Variants in ANK3 observed in about 807,000 individuals in gnomAD.
ANK3 encodes ankyrin 3.
ANK3 carries 57 observed loss-of-function variants against 370.9 expected under a neutral mutation model. The ratio of observed to expected loss-of-function variants is 0.15; its 90% CI spans 0.12 to 0.19. ANK3 has a LOEUF of 0.19. Among genes scored for constraint, ANK3 ranks in the 10% least tolerant of loss-of-function variants. ANK3 has a pLI of 1.00. For synonymous variants in ANK3, 1,929 were observed against 1,946.3 expected, an observed-to-expected ratio of 0.99 and a Z score of 0.23; for missense variants, 4,439 against 5,302.1, an observed-to-expected ratio of 0.84 and a Z score of 5.06.
chr10:60,210,084 A>C (rs1304818829), intron 9 of ANK3, among the ~76,000 whole-genome samples: 1 of 152,192 alleles, frequency 6.6e-6, no homozygotes, highest in African/African-American at 2.4e-5. Flanking sequence ...TAAGGCTAGG[A>C]ATGTACTCAT....
intron 16 of ANK3, among the ~76,000 whole-genome samples, chr10:60,190,078 A>G (rs2132379563): frequency 6.6e-6 from 1 of 152,320 alleles, no homozygotes; most frequent in South Asian, 2.1e-4. Flanking sequence ...AATAGATTAG[A>G]GCTGCCCATC....
intron 4 of ANK3, among the ~76,000 whole-genome samples, chr10:60,273,524 T>TA (rs1350093470): frequency 1.3e-5 from 2 of 152,208 alleles, no homozygotes; most frequent in African/African-American, 2.4e-5. Context: ...TAGTAACCAC[T>TA]AATGCACTTT....
chr10:60,134,199 A>G (rs2094227384), intron 25 of ANK3, 72 bp downstream of exon 25: 2 of 1,260,976 alleles, frequency 1.6e-6, no homozygotes, highest in Admixed American at 4.0e-5. Flanking sequence ...TTTTGTCACA[A>G]GACAGAGAGC....
chr10:60,435,760 G>T (rs534965921), intron 2 of ANK3, among the ~76,000 whole-genome samples: 32 of 152,312 alleles, frequency 2.1e-4, no homozygotes, highest in African/African-American at 6.7e-4. Context: ...TGTGAACATG[G>T]AATATTTGTC....
chr10:60,486,132 A>C (rs771542726), intron 2 of ANK3, among the ~76,000 whole-genome samples: 12 of 152,228 alleles, frequency 7.9e-5, no homozygotes, highest in Non-Finnish European at 1.5e-4. Context: ...GTATTTCTGA[A>C]CACGAATTCC....
intron 1 of ANK3, among the ~76,000 whole-genome samples, chr10:60,327,898 C>G (rs1486115919): frequency 6.6e-6 from 1 of 151,994 alleles, no homozygotes; most frequent in East Asian, 1.9e-4. Flanking sequence ...GGTTCGCATA[C>G]TACTGTTTCA....
intron 2 of ANK3, among the ~76,000 whole-genome samples, chr10:60,572,070 C>T (rs1240845404): frequency 6.6e-6 from 1 of 152,030 alleles, no homozygotes; most frequent in Admixed American, 6.6e-5. Flanking sequence ...TATGTTAAAG[C>T]TAAACATCTA....
At chr10:60,245,051 C>T (rs1482331716) in intron 7 of ANK3, among the ~76,000 whole-genome samples, 1 of 152,152 alleles carries the variant, frequency 6.6e-6, no homozygotes, top group Non-Finnish European at 1.5e-5. Context: ...CACCTGTAGT[C>T]CCAGCTACTT....
intron 1 of ANK3, among the ~76,000 whole-genome samples, chr10:60,331,455 G>A (rs2051277585): frequency 6.6e-6 from 1 of 151,360 alleles, no homozygotes; most frequent in South Asian, 2.1e-4. Context: ...TCTGGTTGAC[G>A]AGTTAACAGA....
In ANK3 at chr10:60,172,908, G is replaced by T. The variant is rs757441585; in HGVS notation, c.2374C>A (p.Leu792Ile). The change falls in exon 20 of 44, where the codon CTC becomes ATC. Residue 792 changes from leucine to isoleucine, a missense_variant. Transcript: ENST00000280772. ...TGGCCCTGAGCGCTTACCACAGTGA[G>T]TTCATTGGGGGAGGCGTTGTTCTGA... ...LLQNNASPNE[L>I]TVNGNTALGI... 5 of 1,612,738 alleles carry T rather than the reference G, an allele frequency of 3.1e-6. No individual in the cohort carries two copies. The highest frequency in any genetic ancestry group is 4.2e-6 in the Non-Finnish European group (5 of 1,178,830).
At chr10:60,607,077 T>G (rs144352185) in intron 2 of ANK3, among the ~76,000 whole-genome samples, 290 of 152,314 alleles carry the variant, frequency 1.9e-3, no homozygotes, top group African/African-American at 6.6e-3. Context: ...ATAGTCTTTA[T>G]GTAAGAAAAG....
At chr10:60,080,073 C>T (rs9804190) in intron 36 of ANK3, among the ~76,000 whole-genome samples, 43,570 of 151,864 alleles carry the variant, frequency 0.29, 7,665 homozygotes, top group African/African-American at 0.5. Flanking sequence ...GGTAAGGAAA[C>T]GTGATTCTTG....
In ANK3 at chr10:60,350,963, G is replaced by GAA. The variant is rs960570460; in HGVS notation, c.114+38460_114+38461dup. Among the ~76,000 whole-genome samples the GAA allele has an allele frequency of 2.1e-5, 3 of 144,674 alleles. No individual in the cohort carries two copies. In the South Asian group the frequency reaches 6.6e-4, roughly 32 times the overall value. The allele number at this position is 144,674 out of a possible 152,430, so 94.9% of individuals were successfully genotyped here. A position where few individuals can be genotyped will look rare whatever the true frequency, so the allele number is the denominator to read the frequency against. Reference sequence around the variant, plus strand: ...AAAACTGCTTTATTGGTTTCATAGAGAAAAAAAAAAATCTCCTAAGCCGAC... The same window carrying GAA: ...AAAACTGCTTTATTGGTTTCATAGAGAAAAAAAAAAAAATCTCCTAAGCCGAC... On this transcript the variant is annotated intron_variant, in intron 1 of 43. Transcript: ENST00000280772.
At chr10:60,664,650 T>C (rs1369749615) in intron 1 of ANK3, among the ~76,000 whole-genome samples, 1 of 152,154 alleles carries the variant, frequency 6.6e-6, no homozygotes, top group Admixed American at 6.6e-5. Flanking sequence ...TAAAAAATAA[T>C]TGACCCCAAG....
chr10:60,037,356 T>G (rs1376284908), intron 43 of ANK3, among the ~76,000 whole-genome samples: 1 of 152,150 alleles, frequency 6.6e-6, no homozygotes, highest in East Asian at 1.9e-4. Context: ...TTTTATTAAG[T>G]TCAAGGGTAC....
chr10:60,353,153 G>GTTT (rs1481181095), intron 1 of ANK3, among the ~76,000 whole-genome samples: 2,949 of 135,620 alleles, frequency 0.022, 107 homozygotes, highest in Non-Finnish European at 0.033. Context: ...GCTAATTTTT[G>GTTT]TTTTGTTTTT....
At chr10:60,233,807 T>C (rs951680103) in intron 8 of ANK3, among the ~76,000 whole-genome samples, 2 of 152,196 alleles carry the variant, frequency 1.3e-5, no homozygotes, top group East Asian at 3.8e-4. Context: ...AAGCAGACAC[T>C]TCAATAATGT....
rs141480911 is a variant in ANK3, at chr10:60,029,739, AACAC to A, written c.*103_*106del. The A allele has an allele frequency of 6.6e-6, 1 of 151,996 alleles. No individual in the cohort carries two copies. The highest frequency in any genetic ancestry group is 1.5e-5 in the Non-Finnish European group (1 of 67,846). The allele number at this position is 151,996 out of a possible 1,614,324, so 9.4% of individuals were successfully genotyped here. On this transcript the variant is annotated 3_prime_UTR_variant, in exon 44 of 44. Coordinates refer to ENST00000280772, the MANE Select transcript of ANK3 (RefSeq NM_020987.5). ...ATGCCATTAATGTGTGGAAGCAGCG[AACAC>A]ACACACACTTCTCGGTGAATTTTTA...
intron 24 of ANK3, chr10:60,138,735 A>G (rs200885558): frequency 0.098 from 41,330 of 420,366 alleles, 2,410 homozygotes; most frequent in East Asian, 0.34. Flanking sequence ...CAAAGTGGGA[A>G]AAAAAAAAAG....
Sources: gnomAD v4.1 joint callset for allele counts (sites outside exome capture counted in the v4.1 genomes callset) on GRCh38, gnomAD v4.1.1 for gene constraint, MANE v1.5 for transcripts, NCBI Gene and HGNC (gene_info 2026-07-23, HGNC 2026-07-21) for gene names.